HEMK2: variants seen among roughly 807,000 people sequenced by gnomAD.
HEMK2 encodes the protein HemK methyltransferase 2, ETF1 glutamine and histone H4 lysine.
the HEMK2 span, among the ~76,000 whole-genome samples, chr21:28,625,988 G>T: frequency 6.6e-6 from 1 of 152,162 alleles, no homozygotes; most frequent in South Asian, 2.1e-4. Flanking sequence ...AATGCTAAAG[G>T]CTATTCTCCA....
the HEMK2 span, among the ~76,000 whole-genome samples, chr21:28,700,343 A>G: frequency 6.6e-6 from 1 of 152,182 alleles, no homozygotes; most frequent in Non-Finnish European, 1.5e-5. Context: ...TCATCAAAAT[A>G]TTTTGCTTTC....
chr21:28,862,334 G>A, the HEMK2 span, among the ~76,000 whole-genome samples: 1 of 152,154 alleles, frequency 6.6e-6, no homozygotes, highest in Non-Finnish European at 1.5e-5. Flanking sequence ...AAGGAATACA[G>A]AATGAGTAGT....
the HEMK2 span, among the ~76,000 whole-genome samples, chr21:28,605,066 C>CA: frequency 6.6e-6 from 1 of 152,198 alleles, no homozygotes; most frequent in East Asian, 1.9e-4. Flanking sequence ...CATGTGGATG[C>CA]ACTTATGTCA....
chr21:28,833,365 T>C, the HEMK2 span, among the ~76,000 whole-genome samples: 3 of 152,296 alleles, frequency 2.0e-5, no homozygotes, highest in South Asian at 4.1e-4. Context: ...TGACATCACA[T>C]CTTTACATTC....
At chr21:28,625,430 G>A in the HEMK2 span, among the ~76,000 whole-genome samples, 1 of 152,096 alleles carries the variant, frequency 6.6e-6, no homozygotes, top group Admixed American at 6.6e-5. Flanking sequence ...GAAAACTAAA[G>A]TTCAAAGAGA....
At chr21:28,782,595 T>A in the HEMK2 span, among the ~76,000 whole-genome samples, 3 of 152,174 alleles carry the variant, frequency 2.0e-5, no homozygotes, top group East Asian at 5.8e-4. Flanking sequence ...CTATAACATA[T>A]GTAATAGGGA....
At chr21:28,840,398 C>T in the HEMK2 span, among the ~76,000 whole-genome samples, 1 of 152,104 alleles carries the variant, frequency 6.6e-6, no homozygotes, top group African/African-American at 2.4e-5. Context: ...TTTTGCATTG[C>T]AAACGGAACA....
chr21:28,739,795 G>A, the HEMK2 span, among the ~76,000 whole-genome samples: 1 of 152,210 alleles, frequency 6.6e-6, no homozygotes, highest in Admixed American at 6.5e-5. Flanking sequence ...CACATGGCCA[G>A]TGTCTACCAT....
the HEMK2 span, chr21:28,883,174 C>G: frequency 3.3e-6 from 2 of 610,990 alleles, no homozygotes; most frequent in Non-Finnish European, 2.6e-6. Flanking sequence ...TCTCTAGCAT[C>G]ATCACTCACC....
chr21:28,702,922 A>G, the HEMK2 span, among the ~76,000 whole-genome samples: 9 of 152,328 alleles, frequency 5.9e-5, no homozygotes, highest in African/African-American at 1.9e-4. Context: ...ATGCCCATCA[A>G]TGGTAGACTG....
At chr21:28,707,774 T>C in the HEMK2 span, among the ~76,000 whole-genome samples, 1 of 151,776 alleles carries the variant, frequency 6.6e-6, no homozygotes, top group East Asian at 1.9e-4. Context: ...ATGTCAATAA[T>C]GAATTGGGTG....
At chr21:28,819,285 T>C in the HEMK2 span, among the ~76,000 whole-genome samples, 2 of 146,042 alleles carry the variant, frequency 1.4e-5, no homozygotes, top group Non-Finnish European at 3.0e-5. Context: ...ATGCAGTTTA[T>C]TAGCTCAAAA....
chr21:28,715,118 T>C, the HEMK2 span, among the ~76,000 whole-genome samples: 102 of 152,098 alleles, frequency 6.7e-4, no homozygotes, highest in Non-Finnish European at 1.2e-3. Flanking sequence ...GCATGTGTTT[T>C]TGGTAGAATG....
At chr21:28,667,783 G>C in the HEMK2 span, among the ~76,000 whole-genome samples, 1 of 152,158 alleles carries the variant, frequency 6.6e-6, no homozygotes, top group Non-Finnish European at 1.5e-5. Flanking sequence ...TGGCCTCCTA[G>C]CTGTGGGATC....
the HEMK2 span, among the ~76,000 whole-genome samples, chr21:28,777,483 G>A: frequency 1.3e-5 from 2 of 152,134 alleles, no homozygotes; most frequent in Admixed American, 6.5e-5. Flanking sequence ...CAAAGGAAAT[G>A]AGTCCACCAT....
chr21:28,637,925 A>C, the HEMK2 span, among the ~76,000 whole-genome samples: 3 of 152,218 alleles, frequency 2.0e-5, no homozygotes, highest in Admixed American at 6.5e-5. Context: ...AAGGAGAAAA[A>C]TAGAATTTAT....
At chr21:28,708,180 C>A in the HEMK2 span, among the ~76,000 whole-genome samples, 1 of 151,170 alleles carries the variant, frequency 6.6e-6, no homozygotes, top group South Asian at 2.1e-4. Flanking sequence ...CTTCTTGACA[C>A]AATGTTTTTA....
At chr21:28,774,447 G>A in the HEMK2 span, among the ~76,000 whole-genome samples, 2 of 152,200 alleles carry the variant, frequency 1.3e-5, no homozygotes, top group South Asian at 4.2e-4. Flanking sequence ...AATTAGCCAG[G>A]TGTGGTGGCA....
At chr21:28,747,471 T>C in the HEMK2 span, among the ~76,000 whole-genome samples, 1 of 152,126 alleles carries the variant, frequency 6.6e-6, no homozygotes, top group Non-Finnish European at 1.5e-5. Context: ...CATATGAAAA[T>C]TAATTTGGGG....
Sources: allele counts gnomAD v4.1 joint callset (sites outside exome capture counted in the v4.1 genomes callset), GRCh38; gene constraint gnomAD v4.1.1; transcripts MANE v1.5; gene names NCBI Gene and HGNC (gene_info 2026-07-23, HGNC 2026-07-21).